MS4A6E: variants seen among roughly 807,000 people sequenced by gnomAD.
MS4A6E encodes membrane spanning 4-domains A6E.
Under a neutral mutation model 13.2 loss-of-function variants are expected in MS4A6E, and 8 were observed. The observed-to-expected ratio is 0.60, with a 90% CI of 0.35 to 1.09. The LOEUF (loss-of-function observed/expected upper bound fraction) is 1.09. Ranked by LOEUF, MS4A6E falls within the 50% of genes least tolerant of loss-of-function variation. The pLI, the probability that MS4A6E is intolerant of heterozygous loss-of-function variation, is 0.02. For missense variants in MS4A6E, 177 were observed against 171.1 expected, an observed-to-expected ratio of 1.03 and a Z score of -0.19; for synonymous variants, 72 against 67.6, an observed-to-expected ratio of 1.06 and a Z score of -0.32.
chr11:60,345,556 T>C (rs935749298), downstream of MS4A6E, among the ~76,000 whole-genome samples: 5 of 152,162 alleles, frequency 3.3e-5, no homozygotes, highest in East Asian at 1.9e-4. Context: ...TCTGGCTGCA[T>C]TGGTTTGTAT....
intron 2 of MS4A6E, among the ~76,000 whole-genome samples, chr11:60,336,147 C>G (rs534111268): frequency 1.3e-5 from 2 of 152,260 alleles, no homozygotes; most frequent in South Asian, 4.1e-4. Context: ...CAGTTACAAT[C>G]CAACACTAGA....
intron 1 of MS4A6E, among the ~76,000 whole-genome samples, chr11:60,334,655 T>C (rs2085176902): frequency 6.6e-6 from 1 of 152,202 alleles, no homozygotes; most frequent in Non-Finnish European, 1.5e-5. Context: ...TTCATGCTGC[T>C]GCCACCCTGT....
rs1016273023 is a variant in MS4A6E, at chr11:60,332,530, C to T, written c.-14-2352C>T. 3.3e-5 allele frequency among the ~76,000 whole-genome samples: 5 copies of T among 152,226 alleles called. 1 individual carries two copies. The highest frequency in any genetic ancestry group is 1.3e-4 in the Admixed American group (2 of 15,286). On this transcript the variant is annotated intron_variant, in intron 1 of 4. Transcript: ENST00000684409. ...TTCATTTCCCACTCTCCAACTCTCT[C>T]CTTCACGACCAGGGGAATCTTCTAT...
chr11:60,334,266 C>A (rs1226749643), intron 1 of MS4A6E, among the ~76,000 whole-genome samples: 1 of 152,090 alleles, frequency 6.6e-6, no homozygotes, highest in Non-Finnish European at 1.5e-5. Context: ...AAGAAACAAG[C>A]AAACCTCTTT....
intron 2 of MS4A6E, among the ~76,000 whole-genome samples, chr11:60,336,257 CAT>C: frequency 6.6e-6 from 1 of 152,312 alleles, no homozygotes; most frequent in South Asian, 2.1e-4. Context: ...ATGGCGGTCA[CAT>C]GTGGCTATCG....
intron 2 of MS4A6E, among the ~76,000 whole-genome samples, chr11:60,335,850 G>A (rs1468827260): frequency 3.3e-5 from 5 of 152,210 alleles, no homozygotes; most frequent in Non-Finnish European, 7.3e-5. Flanking sequence ...AGTTATACAT[G>A]AGAACATGCA....
chr11:60,337,810 G>A lies in MS4A6E; in HGVS notation c.217G>A (p.Val73Ile), dbSNP rs759308063. ...CCTGGTGGGTTTCATTCTCCTGTCTGTCAACCCGGCTGCATTAAATCCTGC... is the reference window on the plus strand; with the variant it reads ...CCTGGTGGGTTTCATTCTCCTGTCTATCAACCCGGCTGCATTAAATCCTGC... ...SALVGFILLS[V>I]NPAALNPASL... Residue 73 changes from valine (V) to isoleucine (I), a missense_variant, in exon 3 of 5, where the codon GTC (valine) becomes ATC (isoleucine). Physicochemically the swap from Val to Ile is conservative, Grantham distance 29. Transcript: ENST00000684409. The A allele has an allele frequency of 1.9e-6, 3 of 1,614,162 alleles. No homozygotes were observed. The highest frequency in any genetic ancestry group is 2.5e-6 in the Non-Finnish European group (3 of 1,180,046).
At chr11:60,328,379 A>G (rs547420011) in intron 1 of MS4A6E, among the ~76,000 whole-genome samples, 1 of 152,216 alleles carries the variant, frequency 6.6e-6, no homozygotes, top group South Asian at 2.1e-4. Context: ...TAAGAAATAT[A>G]TATGTGTAGG....
At chr11:60,328,029 CAAAAA>C (rs3042505) in intron 1 of MS4A6E, among the ~76,000 whole-genome samples, 6 of 82,050 alleles carry the variant, frequency 7.3e-5, no homozygotes, top group East Asian at 3.4e-4. Context: ...GACTCCATCT[CAAAAA>C]AAAAAAAAAA....
intron 2 of MS4A6E, 151 bp downstream of exon 2, chr11:60,335,193 C>T: frequency 1.8e-6 from 2 of 1,103,928 alleles, no homozygotes; most frequent in Non-Finnish European, 2.5e-6. Context: ...AAAACTGTCC[C>T]AGAACTTTTC....
intron 1 of MS4A6E, among the ~76,000 whole-genome samples, chr11:60,333,675 T>A (rs1465753876): frequency 6.6e-6 from 1 of 152,094 alleles, no homozygotes; most frequent in Non-Finnish European, 1.5e-5. Context: ...TTGTTTTGGG[T>A]CCAAAGAGTT....
At chr11:60,329,165 C>A (rs6591567) in intron 1 of MS4A6E, among the ~76,000 whole-genome samples, 2 of 149,908 alleles carry the variant, frequency 1.3e-5, no homozygotes, top group African/African-American at 2.5e-5. Context: ...CCCGACAGGC[C>A]TTGGTGTGTG....
intron 1 of MS4A6E, among the ~76,000 whole-genome samples, chr11:60,330,335 C>CTT (rs71036576): frequency 0.22 from 13,489 of 60,966 alleles, 2,598 homozygotes; most frequent in Non-Finnish European, 0.3. Flanking sequence ...AATTTTGGCT[C>CTT]TTTTTTTTTT....
chr11:60,336,976 G>A (rs540344456), intron 2 of MS4A6E, among the ~76,000 whole-genome samples: 3 of 152,272 alleles, frequency 2.0e-5, no homozygotes, highest in East Asian at 3.9e-4. Context: ...AACAAGCTGG[G>A]TCAAGTCTAT....
downstream of MS4A6E, among the ~76,000 whole-genome samples, chr11:60,343,340 C>CT (rs767187385): frequency 3.1e-4 from 47 of 151,876 alleles, no homozygotes; most frequent in East Asian, 4.8e-3. Context: ...TAAAAGGAAC[C>CT]TTTTTTTTGC....
At chr11:60,336,617 A>G (rs2135060385) in intron 2 of MS4A6E, among the ~76,000 whole-genome samples, 1 of 152,220 alleles carries the variant, frequency 6.6e-6, no homozygotes, top group East Asian at 1.9e-4. Context: ...TAAGAAATAT[A>G]GACTCTAGGC....
At chr11:60,345,993 T>C (rs545417630), downstream of MS4A6E, among the ~76,000 whole-genome samples, 2 of 152,282 alleles carry the variant, frequency 1.3e-5, no homozygotes, top group East Asian at 3.9e-4. Flanking sequence ...TCTACCTTCC[T>C]TCCTTTAATT....
intron 3 of MS4A6E, among the ~76,000 whole-genome samples, chr11:60,339,546 C>T (rs535122687): frequency 6.8e-4 from 103 of 152,316 alleles, no homozygotes; most frequent in Non-Finnish European, 9.1e-4. Flanking sequence ...GTCCTGGGAG[C>T]TATTACGCCA....
intron 1 of MS4A6E, among the ~76,000 whole-genome samples, chr11:60,330,143 A>G (rs2085145172): frequency 6.7e-6 from 1 of 149,670 alleles, no homozygotes; most frequent in Non-Finnish European, 1.5e-5. Context: ...CCACTTTTTG[A>G]TGGGGTTGTT....
Sources: allele counts gnomAD v4.1 joint callset (sites outside exome capture counted in the v4.1 genomes callset), GRCh38; gene constraint gnomAD v4.1.1; transcripts MANE v1.5; gene names NCBI Gene and HGNC (gene_info 2026-07-23, HGNC 2026-07-21).